The following SDHB variants were observed in gnomAD, a reference collection of about 807,000 sequenced individuals.
SDHB encodes succinate dehydrogenase [ubiquinone] iron-sulfur subunit, mitochondrial.
In SDHB, 21 loss-of-function variants were observed where a neutral mutation model predicts 39.7. The ratio of observed to expected loss-of-function variants is 0.53; its 90% CI spans 0.37 to 0.76. The LOEUF (loss-of-function observed/expected upper bound fraction) is 0.76. Ranked by LOEUF, SDHB falls within the 30% of genes least tolerant of loss-of-function variation. SDHB has a pLI of 0.00. For missense variants in SDHB, 343 were observed against 350.9 expected (o/e 0.98, Z 0.18); for synonymous variants, 118 against 117.0 (o/e 1.01, Z -0.06).
chr1:17,030,867 A>G (rs1478462351), intron 3 of SDHB, among the ~76,000 whole-genome samples: 2 of 151,932 alleles, frequency 1.3e-5, no homozygotes, highest in African/African-American at 2.4e-5. Flanking sequence ...TTTTTAGTAG[A>G]GACGGGGTTT....
At chr1:17,043,778 G>A (rs1456563050) in intron 2 of SDHB, among the ~76,000 whole-genome samples, 1 of 152,198 alleles carries the variant, frequency 6.6e-6, no homozygotes, top group African/African-American at 2.4e-5. Context: ...CAAGGAGTGC[G>A]GCAGCCTCTG....
At chr1:17,044,964 G>T in intron 1 of SDHB, 76 bp from the exon 2 acceptor site, 1 of 1,298,454 alleles carries the variant, frequency 7.7e-7, no homozygotes, top group Non-Finnish European at 1.1e-6. Context: ...TGGCACAACA[G>T]ATGTAACGCT....
chr1:17,051,871 C>T (rs554328445), intron 1 of SDHB, among the ~76,000 whole-genome samples: 12 of 147,080 alleles, frequency 8.2e-5, no homozygotes, highest in East Asian at 2.0e-4. Context: ...GACTGAGTTT[C>T]GCTCTTGTCG....
At chr1:17,021,187 C>A (rs1307029780) in intron 7 of SDHB, among the ~76,000 whole-genome samples, 1 of 152,210 alleles carries the variant, frequency 6.6e-6, no homozygotes, top group Non-Finnish European at 1.5e-5. Context: ...CCCAATGCAA[C>A]AGTATTGAGA....
chr1:17,027,493 T>G lies in SDHB; in HGVS notation c.540+256A>C, dbSNP rs11203282. Among the ~76,000 whole-genome samples the G allele has an allele frequency of 0.43, 65,191 of 152,136 alleles. 15,882 individuals carry two copies. Among genetic ancestry groups the G allele is most frequent in the Non-Finnish European group, 0.56 (37,939 of 67,986 alleles). On this transcript the variant is annotated intron_variant, in intron 5 of 7. Coordinates refer to ENST00000375499, the MANE Select transcript of SDHB (RefSeq NM_003000.3). Reference sequence around the variant, plus strand: ...ACATACTGGTTTCTTTTGAAAAAGATGGAGTAGCCACACAGCAACCACCCG... The same window carrying G: ...ACATACTGGTTTCTTTTGAAAAAGAGGGAGTAGCCACACAGCAACCACCCG...
rs1248067879 is a variant in SDHB at position 17,045,507 on chromosome 1, G to T, written c.73-619C>A. On this transcript the variant is annotated intron_variant, in intron 1 of 7. Coordinates refer to ENST00000375499, the MANE Select transcript of SDHB (RefSeq NM_003000.3). ...TGTGCGTCTCAGGAGGCAGAAGTGG[G>T]AGGACTGCTTGGGCCCGAGAGGTTG... Among the ~76,000 whole-genome samples the T allele has an allele frequency of 3.9e-5, 6 of 152,252 alleles. No homozygotes were observed. The East Asian group carries it at 1.2e-3, about 29-fold the overall frequency.
At chr1:17,031,004 G>T (rs1364750408) in intron 3 of SDHB, among the ~76,000 whole-genome samples, 2 of 148,328 alleles carry the variant, frequency 1.3e-5, no homozygotes, top group African/African-American at 5.0e-5. Context: ...TCCCAGGCTG[G>T]TCTTAAACTC....
At chr1:17,020,658 T>C (rs902620586) in intron 7 of SDHB, among the ~76,000 whole-genome samples, 4 of 152,252 alleles carry the variant, frequency 2.6e-5, no homozygotes, top group African/African-American at 9.6e-5. Flanking sequence ...CCAGTACTCA[T>C]GTTTTTTTAA....
At chr1:17,030,880 C>T (rs1382454172) in intron 3 of SDHB, among the ~76,000 whole-genome samples, 4 of 151,964 alleles carry the variant, frequency 2.6e-5, no homozygotes, top group African/African-American at 9.7e-5. Context: ...CGGGGTTTTA[C>T]CACGTTGGTC....
At chr1:17,039,525 G>A (rs1260000474) in intron 2 of SDHB, among the ~76,000 whole-genome samples, 2 of 151,950 alleles carry the variant, frequency 1.3e-5, no homozygotes, top group Non-Finnish European at 2.9e-5. Context: ...AGGTCTCAGG[G>A]AGGGAGGATT....
intron 7 of SDHB, among the ~76,000 whole-genome samples, chr1:17,019,855 C>T (rs1316585519): frequency 6.6e-6 from 1 of 152,128 alleles, no homozygotes; most frequent in East Asian, 1.9e-4. Flanking sequence ...GCCTCAGCCT[C>T]TCAAGTAACT....
At chr1:17,021,995 T>G (rs1311119251) in intron 7 of SDHB, among the ~76,000 whole-genome samples, 1 of 152,146 alleles carries the variant, frequency 6.6e-6, no homozygotes, top group African/African-American at 2.4e-5. Context: ...TGTGCAGGCA[T>G]GAGAAGGTGA....
chr1:17,031,043 C>T (rs987293050), intron 3 of SDHB, among the ~76,000 whole-genome samples: 1 of 151,766 alleles, frequency 6.6e-6, no homozygotes, highest in African/African-American at 2.4e-5. Flanking sequence ...ACCACCTAGA[C>T]CTCCCAAAGT....
chr1:17,029,101 T>TTTTG (rs1553177817), intron 3 of SDHB, among the ~76,000 whole-genome samples: 3 of 140,262 alleles, frequency 2.1e-5, no homozygotes, highest in East Asian at 2.1e-4. Flanking sequence ...CTGTTTTTTT[T>TTTTG]TTTTTTTTTT....
rs1293365726 is a variant in SDHB at position 17,053,985 on chromosome 1, C to G, written c.35G>C (p.Arg12Pro). Residue 12 changes from arginine to proline, a missense_variant, in exon 1 of 8, where the codon CGG becomes CCG. Physicochemically the swap from Arg to Pro is moderately radical, Grantham distance 103. Transcript: ENST00000375499. ...AAVVALSLRR[R>P]LPATTLGGAC... ...TCCGCCAAGGGTTGTGGCCGGCAAC[C>G]GGCGCCTCAAGGAGAGGGCGACCAC... 3.1e-6 allele frequency: 5 copies of G among 1,613,124 alleles called. No individual in the cohort carries two copies. The highest frequency in any genetic ancestry group is 3.4e-6 in the Non-Finnish European group (4 of 1,179,724).
At chr1:17,050,825 ATC>A (rs2078142447) in intron 1 of SDHB, among the ~76,000 whole-genome samples, 1 of 152,222 alleles carries the variant, frequency 6.6e-6, no homozygotes, top group South Asian at 2.1e-4. Context: ...GGATTATGTT[ATC>A]TGTGTTCCAC....
At chr1:17,036,592 G>C (rs956546771) in intron 2 of SDHB, among the ~76,000 whole-genome samples, 36 of 151,182 alleles carry the variant, frequency 2.4e-4, no homozygotes, top group African/African-American at 8.5e-4. Flanking sequence ...TTTTAGGATT[G>C]TTCATTGCTA....
At chr1:17,036,791 T>C (rs1218281700) in intron 2 of SDHB, among the ~76,000 whole-genome samples, 1 of 147,036 alleles carries the variant, frequency 6.8e-6, no homozygotes, top group African/African-American at 2.5e-5. Flanking sequence ...TAAATACATA[T>C]ATAAATATAT....
At chr1:17,040,145 C>A (rs1175528769) in intron 2 of SDHB, among the ~76,000 whole-genome samples, 1 of 152,126 alleles carries the variant, frequency 6.6e-6, no homozygotes, top group Non-Finnish European at 1.5e-5. Flanking sequence ...ATTTCACTGT[C>A]TCTTGGCCTC....
Sources: gnomAD v4.1 joint callset for allele counts (sites outside exome capture counted in the v4.1 genomes callset) on GRCh38, gnomAD v4.1.1 for gene constraint, MANE v1.5 for transcripts, NCBI Gene and HGNC (gene_info 2026-07-23, HGNC 2026-07-21) for gene names.